The following CALCRL variants were observed in gnomAD, a reference collection of about 807,000 sequenced individuals.
CALCRL encodes the protein calcitonin receptor like receptor, also known as calcitonin gene-related peptide type 1 receptor.
Under a neutral mutation model 60.4 loss-of-function variants are expected in CALCRL, and 27 were observed. The ratio of observed to expected loss-of-function variants is 0.45; its 90% CI spans 0.33 to 0.62. The LOEUF is 0.62. Among genes scored for constraint, CALCRL ranks in the 20% least tolerant of loss-of-function variants. The pLI, the probability that CALCRL is intolerant of heterozygous loss-of-function variation, is 0.03. For missense variants in CALCRL, 424 were observed against 540.7 expected, an observed-to-expected ratio of 0.78 and a Z score of 2.14; for synonymous variants, 190 against 182.6, an observed-to-expected ratio of 1.04 and a Z score of -0.33.
intron 1 of CALCRL, among the ~76,000 whole-genome samples, chr2:187,429,609 A>G (rs551676773): frequency 5.9e-5 from 9 of 152,368 alleles, no homozygotes; most frequent in South Asian, 2.1e-4. Flanking sequence ...GCAAACTGCA[A>G]TCATAGTTCT....
intron 8 of CALCRL, among the ~76,000 whole-genome samples, chr2:187,372,819 T>C (rs1687592873): frequency 6.6e-6 from 1 of 152,180 alleles, no homozygotes; most frequent in South Asian, 2.1e-4. Context: ...CTAGGAATTG[T>C]TTTCAGGTTA....
chr2:187,418,649 A>C (rs1481874603), intron 1 of CALCRL, among the ~76,000 whole-genome samples: 2 of 152,118 alleles, frequency 1.3e-5, no homozygotes, highest in African/African-American at 4.8e-5. Flanking sequence ...AGATTGGTTA[A>C]ATTGCTATTT....
intron 1 of CALCRL, among the ~76,000 whole-genome samples, chr2:187,400,636 C>T (rs1688848953): frequency 6.6e-6 from 1 of 151,310 alleles, no homozygotes; most frequent in Non-Finnish European, 1.5e-5. Flanking sequence ...AAATATTCAT[C>T]AATTTGTGAA....
intron 1 of CALCRL, among the ~76,000 whole-genome samples, chr2:187,439,607 A>C (rs961915507): frequency 1.3e-5 from 2 of 152,202 alleles, no homozygotes; most frequent in African/African-American, 4.8e-5. Context: ...AAAAAAGAAA[A>C]GAGGTCTGTG....
rs368121142 is a variant in CALCRL, at chr2:187,409,863, G to T, written c.-292-22107C>A. Among the ~76,000 whole-genome samples the T allele has an allele frequency of 1.5e-4, 23 of 152,116 alleles. No individual in the cohort carries two copies. In the East Asian group the frequency reaches 2.1e-3, roughly 14 times the overall value. ...TGGGACAAGGAGAGTGATTTGGAGG[G>T]ATGAGAAAAACATAAGCAAATGCCT... On this transcript the variant is annotated intron_variant, in intron 1 of 14. Coordinates refer to ENST00000392370, the MANE Select transcript of CALCRL (RefSeq NM_005795.6).
At chr2:187,382,321 A>G (rs1213839113) in intron 5 of CALCRL, among the ~76,000 whole-genome samples, 1 of 152,204 alleles carries the variant, frequency 6.6e-6, no homozygotes, top group East Asian at 1.9e-4. Context: ...TGAAACTTCA[A>G]GAAGGTGTAT....
rs1027464860 is a variant in CALCRL at position 187,344,665 on chromosome 2, A to G, written c.*1519T>C. The G allele has an allele frequency of 6.6e-6, 1 of 151,674 alleles. No homozygotes were observed. Among genetic ancestry groups the G allele is most frequent in the Non-Finnish European group, 1.5e-5 (1 of 67,732 alleles). The allele number at this position is 151,674 out of a possible 1,614,324, so 9.4% of individuals were successfully genotyped here. A position where few individuals can be genotyped will look rare whatever the true frequency, so the allele number is the denominator to read the frequency against. ...TTTTTTCTCAATGATATATTCAAGTATTTCCCTAATTTGTATTATATACAG... is the reference window on the plus strand; with the variant it reads ...TTTTTTCTCAATGATATATTCAAGTGTTTCCCTAATTTGTATTATATACAG... On this transcript the variant is annotated 3_prime_UTR_variant, in exon 15 of 15. Transcript: ENST00000392370.
intron 1 of CALCRL, chr2:187,431,461 T>G (rs1690402671): frequency 6.5e-6 from 1 of 154,794 alleles, no homozygotes; most frequent in Non-Finnish European, 1.5e-5. Context: ...CTAGTGTGTT[T>G]CTTTGTTAAA....
chr2:187,398,225 T>C (rs1688739781), intron 1 of CALCRL, among the ~76,000 whole-genome samples: 1 of 151,634 alleles, frequency 6.6e-6, no homozygotes, highest in African/African-American at 2.4e-5. Flanking sequence ...AAAACACATC[T>C]TTCCAGCTCT....
At chr2:187,380,408 C>T in intron 7 of CALCRL, 59 bp downstream of exon 7, 1 of 931,494 alleles carries the variant, frequency 1.1e-6, no homozygotes, top group South Asian at 1.4e-5. Flanking sequence ...CAGTATTGGA[C>T]AAAGGAGCTG....
chr2:187,441,243 A>C (rs981287021), intron 1 of CALCRL, among the ~76,000 whole-genome samples: 1 of 152,064 alleles, frequency 6.6e-6, no homozygotes, highest in Non-Finnish European at 1.5e-5. Flanking sequence ...TTCATCAATA[A>C]CTGAAGGTTT....
At chr2:187,397,163 T>C (rs1398062) in intron 1 of CALCRL, among the ~76,000 whole-genome samples, 23,323 of 151,698 alleles carry the variant, frequency 0.15, 2,447 homozygotes, top group African/African-American at 0.29. Flanking sequence ...TAAATATAAG[T>C]AAGCTTATTA....
chr2:187,444,741 C>A (rs1691090424), intron 1 of CALCRL, among the ~76,000 whole-genome samples: 1 of 151,334 alleles, frequency 6.6e-6, no homozygotes, highest in South Asian at 2.1e-4. Context: ...TTATTATGTC[C>A]TTAAAAATTG....
chr2:187,410,837 T>C (rs1439684371), intron 1 of CALCRL, among the ~76,000 whole-genome samples: 1 of 151,892 alleles, frequency 6.6e-6, no homozygotes, highest in African/African-American at 2.4e-5. Flanking sequence ...GATGAGAGCA[T>C]GGTTGAGGTA....
Position 187,383,273 on chromosome 2 carries a change from A to G in CALCRL, c.84T>C (p.Pro28=), listed in dbSNP as rs757821909. 12 of 1,610,500 alleles carry G rather than the reference A, an allele frequency of 7.5e-6. 1 individual carries two copies. In the South Asian group the frequency reaches 1.3e-4, roughly 18 times the overall value. The change falls in exon 5 of 15, where the codon CCT becomes CCC. Residue 28 remains proline (P), a synonymous_variant. Coordinates refer to ENST00000392370, the MANE Select transcript of CALCRL (RefSeq NM_005795.6). ...TAACTCCCAACTGAATTGAGTCCTC[A>G]GGACTCTCTTCTAATTCTGCTGTAA... ...ILVTAELEES[P]EDSIQLGVTR... is the part of the protein sequence containing the mutation.
chr2:187,411,535 G>GA (rs200113512), intron 1 of CALCRL, among the ~76,000 whole-genome samples: 9 of 151,376 alleles, frequency 5.9e-5, no homozygotes, highest in East Asian at 1.9e-4. Flanking sequence ...TTTTAACTGA[G>GA]AAAAAAAAAT....
intron 14 of CALCRL, among the ~76,000 whole-genome samples, chr2:187,348,399 C>T (rs1686376663): frequency 1.3e-5 from 2 of 151,442 alleles, no homozygotes; most frequent in African/African-American, 4.8e-5. Context: ...AGTATGTAAT[C>T]AATATAGTTT....
intron 8 of CALCRL, among the ~76,000 whole-genome samples, chr2:187,368,838 A>G (rs1051090807): frequency 4.6e-5 from 7 of 152,164 alleles, no homozygotes; most frequent in African/African-American, 1.2e-4. Flanking sequence ...AGCCCTGTCA[A>G]TCTGAACACT....
chr2:187,362,067 C>T (rs2105731195), intron 9 of CALCRL, among the ~76,000 whole-genome samples: 1 of 151,886 alleles, frequency 6.6e-6, no homozygotes, highest in Non-Finnish European at 1.5e-5. Flanking sequence ...GCTTCTAATT[C>T]TTGATTTCAT....
Sources: gnomAD v4.1 joint callset for allele counts (sites outside exome capture counted in the v4.1 genomes callset) on GRCh38, gnomAD v4.1.1 for gene constraint, MANE v1.5 for transcripts, NCBI Gene and HGNC (gene_info 2026-07-23, HGNC 2026-07-21) for gene names.